Variants in CSMD3 observed in about 807,000 individuals in gnomAD.
The protein encoded by CSMD3 is CUB and sushi domain-containing protein 3.
Under a neutral mutation model 435.2 loss-of-function variants are expected in CSMD3, and 177 were observed. The ratio of observed to expected loss-of-function variants is 0.41; its 90% CI spans 0.36 to 0.46. The LOEUF (loss-of-function observed/expected upper bound fraction) is 0.46. CSMD3 is among the 20% of genes least tolerant of loss of function. The pLI, the probability that CSMD3 is intolerant of heterozygous loss-of-function variation, is 0.34. For missense variants in CSMD3, 4,265 were observed against 4,504.6 expected, an observed-to-expected ratio of 0.95 and a Z score of 1.52; for synonymous variants, 1,656 against 1,520.5, an observed-to-expected ratio of 1.09 and a Z score of -2.07.
chr8:113,277,131 G>T (rs1181324378), intron 3 of CSMD3, among the ~76,000 whole-genome samples: 1 of 151,774 alleles, frequency 6.6e-6, no homozygotes, highest in East Asian at 1.9e-4. Context: ...TATTAAGAGC[G>T]CTTAGCACAA....
chr8:112,459,716 A>G (rs1403073363), intron 32 of CSMD3, among the ~76,000 whole-genome samples: 1 of 152,178 alleles, frequency 6.6e-6, no homozygotes, highest in Non-Finnish European at 1.5e-5. Context: ...GTGAGAACAC[A>G]ATAAGCATTT....
intron 4 of CSMD3, among the ~76,000 whole-genome samples, chr8:113,171,102 G>A (rs2092260057): frequency 6.6e-6 from 1 of 152,018 alleles, no homozygotes; most frequent in African/African-American, 2.4e-5. Flanking sequence ...TTTGTTGACT[G>A]TATATCCTTT....
chr8:112,604,748 C>A (rs764828116), intron 22 of CSMD3, among the ~76,000 whole-genome samples: 1 of 152,008 alleles, frequency 6.6e-6, no homozygotes, highest in Non-Finnish European at 1.5e-5. Context: ...AATGAAGATG[C>A]CAAAAGCAAT....
Position 112,224,568 on chromosome 8 carries a change from G to T in CSMD3, c.*203C>A. On this transcript the variant is annotated 3_prime_UTR_variant, in exon 71 of 71. Coordinates refer to ENST00000297405, the MANE Select transcript of CSMD3 (RefSeq NM_198123.2). ...TGTGAGTAAGCACTCTCAGAGTGCA[G>T]CCAAATTTCTGTAAAACTCTCCATG... 1.6e-6 allele frequency: 1 copy of T among 618,010 alleles called. No homozygotes were observed. The highest frequency in any genetic ancestry group is 2.9e-6 in the Non-Finnish European group (1 of 345,404). The allele number at this position is 618,010 out of a possible 1,614,324, so 38.3% of individuals were successfully genotyped here.
At chr8:112,743,323 G>A (rs1006365900) in intron 13 of CSMD3, among the ~76,000 whole-genome samples, 1 of 151,182 alleles carries the variant, frequency 6.6e-6, no homozygotes, top group African/African-American at 2.4e-5. Context: ...TAAATAAAAA[G>A]AAGACATATG....
At chr8:112,359,715 G>A (rs1456560208) in intron 38 of CSMD3, among the ~76,000 whole-genome samples, 2 of 151,938 alleles carry the variant, frequency 1.3e-5, no homozygotes, top group Non-Finnish European at 2.9e-5. Flanking sequence ...GGAGTAAAGT[G>A]GTCATTTGGG....
chr8:112,866,228 A>G (rs1205111004), intron 10 of CSMD3, among the ~76,000 whole-genome samples: 1 of 152,164 alleles, frequency 6.6e-6, no homozygotes, highest in Non-Finnish European at 1.5e-5. Context: ...CAAATCTTCA[A>G]CTATCCCTGC....
chr8:112,969,672 A>T (rs962284764), intron 7 of CSMD3, among the ~76,000 whole-genome samples: 8 of 152,008 alleles, frequency 5.3e-5, no homozygotes, highest in Admixed American at 3.9e-4. Flanking sequence ...AAAAAATAAT[A>T]ATTATTATAT....
intron 3 of CSMD3, among the ~76,000 whole-genome samples, chr8:113,272,451 G>T (rs1432229957): frequency 6.6e-6 from 1 of 151,332 alleles, no homozygotes; most frequent in Non-Finnish European, 1.5e-5. Flanking sequence ...AGATTTAATG[G>T]TTTTATCAGG....
chr8:113,266,064 C>G (rs557608796), intron 3 of CSMD3, among the ~76,000 whole-genome samples: 1 of 150,010 alleles, frequency 6.7e-6, no homozygotes, highest in East Asian at 2.0e-4. Flanking sequence ...TACTAAAATC[C>G]AACTGTTTTG....
chr8:113,292,493 A>G (rs943312628), intron 2 of CSMD3, among the ~76,000 whole-genome samples: 4 of 151,952 alleles, frequency 2.6e-5, no homozygotes, highest in African/African-American at 9.7e-5. Context: ...TTATGAAGAG[A>G]AAATTGTTTG....
intron 13 of CSMD3, among the ~76,000 whole-genome samples, chr8:112,720,972 T>C (rs1156513779): frequency 6.6e-6 from 1 of 152,198 alleles, no homozygotes; most frequent in African/African-American, 2.4e-5. Flanking sequence ...TGTTTCACTT[T>C]CTACAAAATC....
At chr8:112,406,347 A>G (rs1211908113) in intron 35 of CSMD3, among the ~76,000 whole-genome samples, 177 bp downstream of exon 35, 2 of 152,140 alleles carry the variant, frequency 1.3e-5, no homozygotes, top group African/African-American at 2.4e-5. Context: ...TGATTTCATC[A>G]CCAAGACAAT....
At chr8:112,912,042 G>C (rs887391032) in intron 10 of CSMD3, among the ~76,000 whole-genome samples, 5 of 148,098 alleles carry the variant, frequency 3.4e-5, no homozygotes, top group African/African-American at 1.2e-4. Context: ...TTGCTTTAGT[G>C]GCTTATTTCA....
intron 41 of CSMD3, 59 bp from the exon 42 acceptor site, chr8:112,341,745 A>G (rs2130994786): frequency 9.8e-7 from 1 of 1,017,346 alleles, no homozygotes; most frequent in Non-Finnish European, 1.5e-6. Flanking sequence ...AAACATAAAT[A>G]TACACACACA....
At chr8:113,403,905 C>T (rs182839020) in intron 1 of CSMD3, among the ~76,000 whole-genome samples, 208 of 151,412 alleles carry the variant, frequency 1.4e-3, no homozygotes, top group African/African-American at 4.7e-3. Context: ...TTATGAGTCA[C>T]TCAAATGTAA....
At chr8:113,064,561 TACAGCAGGATAA>T (rs2131376998) in intron 5 of CSMD3, among the ~76,000 whole-genome samples, 1 of 152,248 alleles carries the variant, frequency 6.6e-6, no homozygotes, top group African/African-American at 2.4e-5. Context: ...ACGAAAATAA[TACAGCAGGATAA>T]AACTAAGCTA....
intron 63 of CSMD3, among the ~76,000 whole-genome samples, chr8:112,251,774 A>G (rs994472031): frequency 2.0e-5 from 3 of 151,708 alleles, no homozygotes; most frequent in Non-Finnish European, 3.0e-5. Context: ...TGTACTTTCC[A>G]TTGCCCAGAG....
chr8:112,703,981 T>A (rs2076445238), intron 13 of CSMD3, among the ~76,000 whole-genome samples: 1 of 152,128 alleles, frequency 6.6e-6, no homozygotes, highest in Non-Finnish European at 1.5e-5. Flanking sequence ...AGTACAACAA[T>A]TTAATAAAAA....
Sources: allele counts gnomAD v4.1 joint callset (sites outside exome capture counted in the v4.1 genomes callset), GRCh38; gene constraint gnomAD v4.1.1; transcripts MANE v1.5; gene names NCBI Gene and HGNC (gene_info 2026-07-23, HGNC 2026-07-21).